The following HERC2 variants were observed in gnomAD, a reference collection of about 807,000 sequenced individuals.
The protein encoded by HERC2 is E3 ubiquitin-protein ligase HERC2.
HERC2 carries 102 observed loss-of-function variants against 537.7 expected under a neutral mutation model. The ratio of observed to expected loss-of-function variants is 0.19; its 90% CI spans 0.16 to 0.22. HERC2 has a LOEUF of 0.22. Ranked by LOEUF, HERC2 falls within the 10% of genes least tolerant of loss-of-function variation. HERC2 has a pLI of 1.00. For synonymous variants in HERC2, 2,224 were observed against 2,466.2 expected (o/e 0.90, Z 2.91); for missense variants, 4,236 against 6,198.2 (o/e 0.68, Z 10.63).
At chr15:28,270,262 T>C (rs190514565) in intron 10 of HERC2, among the ~76,000 whole-genome samples, 2 of 151,456 alleles carry the variant, frequency 1.3e-5, no homozygotes, top group Non-Finnish European at 2.9e-5. Context: ...GATAGATAGA[T>C]AGATAGACAG....
intron 83 of HERC2, among the ~76,000 whole-genome samples, chr15:28,126,671 A>G (rs1055801867): frequency 2.0e-5 from 3 of 152,158 alleles, no homozygotes; most frequent in Admixed American, 6.5e-5. Flanking sequence ...TGAGGATGCA[A>G]CGGCATAAGA....
chr15:28,119,286 G>C (rs1263651965), intron 86 of HERC2, among the ~76,000 whole-genome samples: 3 of 151,694 alleles, frequency 2.0e-5, no homozygotes, highest in South Asian at 2.1e-4. Flanking sequence ...TGTAATCTCA[G>C]CTACTCAGGA....
chr15:28,142,801 A>C lies in HERC2; in HGVS notation c.11544+26T>G, dbSNP rs556268331. ...CTTTCAGTCAAATAGCTCTATTGTC[A>C]CTTTAAAAAAGAAGTGAAACATTAC... is the stretch of plus-strand genomic sequence containing the variant. On this transcript the variant is annotated intron_variant, in intron 75 of 92. Transcript: ENST00000261609. The C allele has an allele frequency of 7.6e-4, 1,158 of 1,520,240 alleles. 23 individuals carry two copies. In the South Asian group the frequency reaches 0.014, roughly 18 times the overall value. The allele number at this position is 1,520,240 out of a possible 1,614,324, so 94.2% of individuals were successfully genotyped here.
rs2076092684 is a variant in HERC2, at chr15:28,284,099, T to C, written c.323-3812A>G. On this transcript the variant is annotated intron_variant, in intron 4 of 92. Coordinates refer to ENST00000261609, the MANE Select transcript of HERC2 (RefSeq NM_004667.6). ...AAACAAAGTTCGTGCTAAGTACTTA[T>C]GAATGGAATTTTCAATTTGGGGGCA... 3.3e-5 allele frequency among the ~76,000 whole-genome samples: 5 copies of C among 152,194 alleles called. No homozygotes were observed. The South Asian group carries it at 8.3e-4, about 25-fold the overall frequency.
intron 48 of HERC2, 46 bp downstream of exon 48, chr15:28,201,410 C>A (rs766770998): frequency 2.0e-5 from 25 of 1,231,484 alleles, no homozygotes; most frequent in Non-Finnish European, 2.9e-5. Flanking sequence ...CAAATATTTG[C>A]TGAATGAAAA....
At chr15:28,236,360 G>A (rs2346094) in intron 26 of HERC2, among the ~76,000 whole-genome samples, 12,701 of 151,322 alleles carry the variant, frequency 0.084, 952 homozygotes, top group East Asian at 0.27. Flanking sequence ...GCGCGATCTC[G>A]GCTCACTGCA....
intron 72 of HERC2, 30 bp from the exon 73 acceptor site, chr15:28,144,265 G>A (rs1891511782): frequency 1.2e-6 from 2 of 1,607,854 alleles, no homozygotes; most frequent in Non-Finnish European, 1.7e-6. Flanking sequence ...ACATCCCCGG[G>A]TTTCACAAGC....
intron 68 of HERC2, 101 bp from the exon 69 acceptor site, chr15:28,163,386 C>T (rs760841270): frequency 1.8e-5 from 19 of 1,045,684 alleles, no homozygotes; most frequent in South Asian, 1.1e-4. Context: ...TGAATACCAA[C>T]GAGTAAGAAA....
intron 30 of HERC2, 140 bp from the exon 31 acceptor site, chr15:28,230,640 A>G (rs1901730820): frequency 1.7e-6 from 1 of 596,436 alleles, no homozygotes. Context: ...GCAATGCTCA[A>G]CAACAAGAGT....
intron 64 of HERC2, among the ~76,000 whole-genome samples, 197 bp downstream of exon 64, chr15:28,175,314 GC>G (rs1183962343): frequency 6.6e-6 from 1 of 151,886 alleles, no homozygotes. Context: ...TGAGGACCCC[GC>G]CCCCAACCCC....
chr15:28,208,899 A>C (rs992068422), intron 44 of HERC2, among the ~76,000 whole-genome samples: 11 of 152,144 alleles, frequency 7.2e-5, no homozygotes, highest in African/African-American at 2.7e-4. Flanking sequence ...TCCTCTCCTC[A>C]TCCAAACCCT....
Position 28,262,941 on chromosome 15 carries a change from G to A in HERC2, c.2099C>T (p.Pro700Leu). The A allele has an allele frequency of 6.2e-7, 1 of 1,614,086 alleles. No individual in the cohort carries two copies. Among genetic ancestry groups the A allele is most frequent in the South Asian group, 1.1e-5 (1 of 91,080 alleles). ...ACCTTGCAAGCCTTCTAAGAGTTTTGGATAACGAACATGTTCCTCTGTTCC... is the reference window on the plus strand; with the variant it reads ...ACCTTGCAAGCCTTCTAAGAGTTTTAGATAACGAACATGTTCCTCTGTTCC... The part of the protein sequence containing the change: ...GHGTEEHVRY[P>L]KLLEGLQGKK... Residue 700 changes from proline to leucine, a missense_variant, in exon 15 of 93, where the codon CCA becomes CTA. Physicochemically the swap from Pro to Leu is moderately conservative, Grantham distance 98. This residue lies in a region of HERC2 where 754 missense variants were observed against 1,085.0 expected (regional missense o/e 0.69). Transcript: ENST00000261609.
intron 57 of HERC2, among the ~76,000 whole-genome samples, chr15:28,180,645 C>T (rs1218461359): frequency 6.6e-6 from 1 of 151,094 alleles, no homozygotes; most frequent in African/African-American, 2.5e-5. Context: ...CTGAACAGTT[C>T]CATAGTAGAA....
chr15:28,264,112 A>T (rs996633051), intron 14 of HERC2, among the ~76,000 whole-genome samples: 13 of 152,156 alleles, frequency 8.5e-5, no homozygotes, highest in Non-Finnish European at 1.3e-4. Flanking sequence ...AAACCAGAGA[A>T]GATATCAGAT....
chr15:28,121,946 C>T (rs1436960738), intron 85 of HERC2, among the ~76,000 whole-genome samples: 2 of 135,312 alleles, frequency 1.5e-5, no homozygotes, highest in African/African-American at 5.5e-5. Flanking sequence ...CGGAGCCAGC[C>T]GGACCTTGGA....
chr15:28,259,164 G>A (rs2075350095), intron 16 of HERC2, among the ~76,000 whole-genome samples: 1 of 152,042 alleles, frequency 6.6e-6, no homozygotes, highest in South Asian at 2.1e-4. Flanking sequence ...GCGCCATCCC[G>A]GCTCACTGCA....
At chr15:28,225,606 G>A (rs1266932467) in intron 35 of HERC2, among the ~76,000 whole-genome samples, 1 of 149,828 alleles carries the variant, frequency 6.7e-6, no homozygotes, top group African/African-American at 2.5e-5. Flanking sequence ...GCTGAGGCAG[G>A]AGAATCACTT....
chr15:28,301,460 G>A lies in HERC2; in HGVS notation c.73-1944C>T, dbSNP rs77197927. ...TGTTCAAAGACTGATAGGGACTCCT[G>A]ACCAAATTTATAATAATTATAATAA... On this transcript the variant is annotated intron_variant, in intron 2 of 92. Transcript: ENST00000261609. Among the ~76,000 whole-genome samples, 128 of 151,162 alleles carry A rather than the reference G, an allele frequency of 8.5e-4. No individual in the cohort carries two copies. The East Asian group carries it at 0.019, about 22-fold the overall frequency.
chr15:28,308,419 ATTGAAT>A, intron 2 of HERC2, among the ~76,000 whole-genome samples: 1 of 152,382 alleles, frequency 6.6e-6, no homozygotes, highest in East Asian at 1.9e-4. Flanking sequence ...CTGCAATTGT[ATTGAAT>A]TTATCGGCTC....
Sources: allele counts gnomAD v4.1 joint callset (sites outside exome capture counted in the v4.1 genomes callset), GRCh38; gene constraint gnomAD v4.1.1; regional missense constraint gnomAD v4.1.1; transcripts MANE v1.5; gene names NCBI Gene and HGNC (gene_info 2026-07-23, HGNC 2026-07-21).